LCA5L: variants seen among roughly 807,000 people sequenced by gnomAD.
LCA5L encodes the protein lebercilin-like protein.
In LCA5L, 35 loss-of-function variants were observed where a neutral mutation model predicts 45.4. The observed-to-expected ratio is 0.77, with a 90% CI of 0.59 to 1.02. The LOEUF (loss-of-function observed/expected upper bound fraction) is 1.02, where lower values mean the gene tolerates loss of function less well. Among genes scored for constraint, LCA5L ranks in the 50% least tolerant of loss-of-function variants. The probability of loss-of-function intolerance (pLI) is 0.00; values close to 1 mark genes in which losing one functional copy is unlikely to be tolerated. For missense variants in LCA5L, 668 were observed against 761.6 expected, an observed-to-expected ratio of 0.88 and a Z score of 1.45; for synonymous variants, 233 against 264.7, an observed-to-expected ratio of 0.88 and a Z score of 1.16.
intron 5 of LCA5L, among the ~76,000 whole-genome samples, chr21:39,425,078 T>C (rs1466909374): frequency 6.6e-6 from 1 of 152,208 alleles, no homozygotes; most frequent in Non-Finnish European, 1.5e-5. Context: ...TATGTAAATG[T>C]ATATGTGGTG....
At chr21:39,406,786 T>C (rs2039134473) in intron 10 of LCA5L, 174 bp from the exon 11 acceptor site, 2 of 538,466 alleles carry the variant, frequency 3.7e-6, no homozygotes, top group East Asian at 3.0e-5. Flanking sequence ...TATTAACAAA[T>C]GTGTTATGTT....
In LCA5L at chr21:39,405,815, A is replaced by C; in HGVS notation, c.*67T>G. On this transcript the variant is annotated 3_prime_UTR_variant, in exon 11 of 11. Transcript: ENST00000288350. ...TACACTCCCTCTCTCACACATTTCA[A>C]AAATAAGATGCAAGGCACATAAGCA... The C allele has an allele frequency of 8.1e-7, 1 of 1,238,162 alleles. No homozygotes were observed. The highest frequency in any genetic ancestry group is 1.6e-5 in the South Asian group (1 of 61,126). The allele number at this position is 1,238,162 out of a possible 1,614,324, so 76.7% of individuals were successfully genotyped here. A position where few individuals can be genotyped will look rare whatever the true frequency, so the allele number is the denominator to read the frequency against.
chr21:39,427,687 A>G (rs1247414140), intron 5 of LCA5L: 1 of 152,188 alleles, frequency 6.6e-6, no homozygotes, highest in Non-Finnish European at 1.5e-5. Flanking sequence ...AAAATCTACA[A>G]AGAAATGACA....
intron 5 of LCA5L, chr21:39,425,822 GATCC>G (rs2074591183): frequency 6.6e-6 from 1 of 152,274 alleles, no homozygotes; most frequent in Non-Finnish European, 1.5e-5. Flanking sequence ...TGCGTGATGG[GATCC>G]ATGGGCACTG....
chr21:39,433,949 T>G (rs1469602173), intron 3 of LCA5L, among the ~76,000 whole-genome samples: 1 of 93,338 alleles, frequency 1.1e-5, no homozygotes, highest in Non-Finnish European at 2.2e-5. Flanking sequence ...TTTTTTTTTT[T>G]GTAGAGACAG....
intron 7 of LCA5L, among the ~76,000 whole-genome samples, chr21:39,417,836 G>A (rs9975823): frequency 0.23 from 34,502 of 151,880 alleles, 3,991 homozygotes; most frequent in Non-Finnish European, 0.25. Context: ...CGTGATCTCC[G>A]CTCACTGCAA....
At chr21:39,439,156 A>G (rs1044588278) in intron 2 of LCA5L, among the ~76,000 whole-genome samples, 3 of 151,996 alleles carry the variant, frequency 2.0e-5, no homozygotes, top group Non-Finnish European at 4.4e-5. Context: ...AGGCTCTGTG[A>G]TCACAGAAGC....
At chr21:39,431,683 A>C (rs148756307) in intron 3 of LCA5L, among the ~76,000 whole-genome samples, 1 of 151,926 alleles carries the variant, frequency 6.6e-6, no homozygotes, top group Non-Finnish European at 1.5e-5. Flanking sequence ...AAGCCCAGCT[A>C]ATTTTTGTAT....
intron 7 of LCA5L, among the ~76,000 whole-genome samples, chr21:39,416,868 T>C (rs755810104): frequency 1.1e-4 from 16 of 152,312 alleles, no homozygotes; most frequent in Admixed American, 5.2e-4. Context: ...TGCAATGACA[T>C]TATGTGTTTT....
rs576775616 is a variant in LCA5L, at chr21:39,418,262, G to A, written c.975+2444C>T. 1.3e-3 allele frequency among the ~76,000 whole-genome samples: 192 copies of A among 152,150 alleles called. 1 individual carries two copies. Among genetic ancestry groups the A allele is most frequent in the Admixed American group, 2.0e-3 (31 of 15,266 alleles). On this transcript the variant is annotated intron_variant, in intron 7 of 10. Coordinates refer to ENST00000288350, the MANE Select transcript of LCA5L (RefSeq NM_152505.4). ...GCCAAACCATATCAAGGATATTACA[G>A]TTTCGTTTGCCTTCCTTTCTTCACT... is the stretch of plus-strand genomic sequence containing the variant.
chr21:39,423,440 A>C lies in LCA5L; in HGVS notation c.373T>G (p.Phe125Val). The change falls in exon 6 of 11, where the codon TTT (phenylalanine) becomes GTT (valine). Residue 125 changes from phenylalanine (F) to valine (V), a missense_variant. Phe to Val is a conservative substitution (Grantham distance 50). Coordinates refer to ENST00000288350, the MANE Select transcript of LCA5L (RefSeq NM_152505.4). ...GCAATCATATGGATTTGAGAATTAA[A>C]GAGTGATGCATTCCAGGTGTGCTTT... The part of the protein sequence containing the change: ...EKKHTWNASL[F>V]NSQIHMIAQR... 6.3e-7 allele frequency: 1 copy of C among 1,591,104 alleles called. No homozygotes were observed. Among genetic ancestry groups the C allele is most frequent in the Non-Finnish European group, 8.5e-7 (1 of 1,172,514 alleles).
chr21:39,428,156 A>G lies in LCA5L; in HGVS notation c.322+16T>C. On this transcript the variant is annotated intron_variant, in intron 5 of 10. Transcript: ENST00000288350. ...TGACAGAAATTTGGTCTTGCTTGGGAAATTTTACTCCTTACCTTTAGATTG... is the reference window on the plus strand; with the variant it reads ...TGACAGAAATTTGGTCTTGCTTGGGGAATTTTACTCCTTACCTTTAGATTG... 6.7e-7 allele frequency: 1 copy of G among 1,494,680 alleles called. No individual in the cohort carries two copies. The highest frequency in any genetic ancestry group is 9.1e-7 in the Non-Finnish European group (1 of 1,099,338). 92.6% of individuals were successfully genotyped at this position (1,494,680 alleles called of 1,614,324 possible). A position where few individuals can be genotyped will look rare whatever the true frequency, so the allele number is the denominator to read the frequency against.
intron 3 of LCA5L, among the ~76,000 whole-genome samples, chr21:39,430,015 A>AAAACAAACAAAC (rs375183140): frequency 1.3e-5 from 2 of 151,738 alleles, no homozygotes; most frequent in African/African-American, 4.9e-5. Context: ...CTCTGTCTCA[A>AAAACAAACAAAC]AAACAAACAA....
At chr21:39,410,871 G>A in intron 8 of LCA5L, 1 of 471,144 alleles carries the variant, frequency 2.1e-6, no homozygotes, top group Non-Finnish European at 4.4e-6. Flanking sequence ...AACAAAGGCA[G>A]GCAAGGAAAT....
intron 2 of LCA5L, among the ~76,000 whole-genome samples, chr21:39,441,075 C>A (rs2076799713): frequency 6.6e-6 from 1 of 152,108 alleles, no homozygotes; most frequent in Admixed American, 6.5e-5. Context: ...GTGGCTCACA[C>A]CTGTAATCCC....
chr21:39,415,159 C>G (rs1393422472), intron 7 of LCA5L, among the ~76,000 whole-genome samples: 1 of 152,074 alleles, frequency 6.6e-6, no homozygotes, highest in Non-Finnish European at 1.5e-5. Flanking sequence ...GCCTCAACTT[C>G]CCAAAAAATG....
intron 3 of LCA5L, among the ~76,000 whole-genome samples, chr21:39,432,287 G>GT (rs1427220075): frequency 6.6e-6 from 1 of 151,998 alleles, no homozygotes; most frequent in Non-Finnish European, 1.5e-5. Context: ...ATAGACAATT[G>GT]TTTTTAATAT....
chr21:39,416,881 G>A (rs2041270055), intron 7 of LCA5L, among the ~76,000 whole-genome samples: 1 of 152,126 alleles, frequency 6.6e-6, no homozygotes, highest in African/African-American at 2.4e-5. Context: ...TGTGTTTTAA[G>A]TCACTTGGAA....
At chr21:39,417,320 A>G (rs146234593) in intron 7 of LCA5L, among the ~76,000 whole-genome samples, 6 of 152,164 alleles carry the variant, frequency 3.9e-5, no homozygotes, top group South Asian at 2.1e-4. Context: ...GATTACAGGC[A>G]TGAGCCACTG....
Sources: allele counts gnomAD v4.1 joint callset (sites outside exome capture counted in the v4.1 genomes callset), GRCh38; gene constraint gnomAD v4.1.1; transcripts MANE v1.5; gene names NCBI Gene and HGNC (gene_info 2026-07-23, HGNC 2026-07-21).